KIAA1549L: variants seen among roughly 807,000 people sequenced by gnomAD.
KIAA1549L encodes KIAA1549 like.
Under a neutral mutation model 160.7 loss-of-function variants are expected in KIAA1549L, and 88 were observed. The observed-to-expected ratio is 0.55, with a 90% CI of 0.46 to 0.65. KIAA1549L has a LOEUF of 0.65. Ranked by LOEUF, KIAA1549L falls within the 30% of genes least tolerant of loss-of-function variation. The pLI, the probability that KIAA1549L is intolerant of heterozygous loss-of-function variation, is 0.00. For missense variants in KIAA1549L, 2,258 were observed against 2,437.5 expected (o/e 0.93, Z 1.55); for synonymous variants, 950 against 976.7 (o/e 0.97, Z 0.51).
In KIAA1549L at chr11:33,525,873, A is replaced by G. The variant is rs182902132; in HGVS notation, c.239-15929A>G. Among the ~76,000 whole-genome samples the G allele has an allele frequency of 2.1e-4, 32 of 152,124 alleles. 1 individual carries two copies. Among genetic ancestry groups the G allele is most frequent in the Admixed American group, 2.0e-3 (31 of 15,278 alleles). ...CCCCTCTTCCCTGGAAACCTGTATG[A>G]CACAGCAGAGGCAGCCATAATTCTC... On this transcript the variant is annotated intron_variant, in intron 1 of 20. Transcript: ENST00000658780.
chr11:33,603,993 G>T (rs1165066632), intron 13 of KIAA1549L, among the ~76,000 whole-genome samples: 1 of 152,072 alleles, frequency 6.6e-6, no homozygotes, highest in African/African-American at 2.4e-5. Context: ...ATGCCATCTG[G>T]TTACCTTCTG....
At chr11:33,554,669 A>G (rs1019121229) in intron 6 of KIAA1549L, among the ~76,000 whole-genome samples, 1 of 152,072 alleles carries the variant, frequency 6.6e-6, no homozygotes, top group South Asian at 2.1e-4. Context: ...CTCTCATTGA[A>G]CCTACTGTGC....
At chr11:33,576,694 T>C (rs1426210175) in intron 10 of KIAA1549L, among the ~76,000 whole-genome samples, 1 of 152,198 alleles carries the variant, frequency 6.6e-6, no homozygotes, top group Non-Finnish European at 1.5e-5. Flanking sequence ...ATAATGATTC[T>C]GTGTGTAGCC....
At chr11:33,379,476 G>T (rs1273121604) in intron 1 of KIAA1549L, among the ~76,000 whole-genome samples, 1 of 152,196 alleles carries the variant, frequency 6.6e-6, no homozygotes, top group East Asian at 1.9e-4. Flanking sequence ...TGGGAAGGAA[G>T]TTTCTTTGTA....
chr11:33,398,684 A>G (rs1020571546), intron 1 of KIAA1549L, among the ~76,000 whole-genome samples: 17 of 152,246 alleles, frequency 1.1e-4, no homozygotes, highest in African/African-American at 3.6e-4. Context: ...AAAATCGCCC[A>G]TAGCCCCAAG....
In KIAA1549L at chr11:33,542,506, C is replaced by T. The variant is rs370604198; in HGVS notation, c.943C>T (p.Leu315=). The stretch of plus-strand genomic sequence containing the variant: ...CCAGGATCTCATAGGCATCCCTCAT[C>T]TAGGTGTTTCTGGATCCTCAACAAA... ...NAQDLIGIPH[L]GVSGSSTKWH... Residue 315 remains leucine (L), a synonymous_variant, in exon 2 of 21, where the codon CTA becomes TTA. Coordinates refer to ENST00000658780, the MANE Select transcript of KIAA1549L (RefSeq NM_012194.3). 2.7e-5 allele frequency: 44 copies of T among 1,613,370 alleles called. No homozygotes were observed. The African/African-American group carries it at 5.3e-4, about 20-fold the overall frequency.
chr11:33,399,891 G>A (rs1850463820), intron 1 of KIAA1549L, among the ~76,000 whole-genome samples: 1 of 152,190 alleles, frequency 6.6e-6, no homozygotes, highest in Admixed American at 6.5e-5. Context: ...CTTTGCTGTG[G>A]CACCTCCACT....
At chr11:33,646,127 A>G (rs1440835733) in intron 17 of KIAA1549L, 91 bp downstream of exon 17, 26 of 1,001,914 alleles carry the variant, frequency 2.6e-5, no homozygotes. Flanking sequence ...TTCTACAGAT[A>G]AAAAGCTTTG....
intron 1 of KIAA1549L, among the ~76,000 whole-genome samples, chr11:33,426,499 C>G (rs957461064): frequency 2.0e-5 from 3 of 152,152 alleles, no homozygotes; most frequent in African/African-American, 7.2e-5. Context: ...CCCAGAGGCC[C>G]TCCTGGTGCA....
chr11:33,479,567 G>A (rs568880934), intron 1 of KIAA1549L, among the ~76,000 whole-genome samples: 1 of 152,246 alleles, frequency 6.6e-6, no homozygotes, highest in African/African-American at 2.4e-5. Flanking sequence ...AAAATCAGTG[G>A]GAAATTTAAA....
At chr11:33,457,935 A>T (rs1185382127) in intron 1 of KIAA1549L, among the ~76,000 whole-genome samples, 2 of 152,140 alleles carry the variant, frequency 1.3e-5, no homozygotes, top group East Asian at 3.9e-4. Flanking sequence ...TACAGTCCAG[A>T]ACGTATGTGA....
intron 15 of KIAA1549L, among the ~76,000 whole-genome samples, chr11:33,611,919 G>T (rs73477250): frequency 9.8e-5 from 15 of 152,336 alleles, no homozygotes; most frequent in Admixed American, 2.0e-4. Context: ...ACTTGTTTCT[G>T]TAGAGAGGCA....
intron 15 of KIAA1549L, among the ~76,000 whole-genome samples, chr11:33,611,949 G>A (rs1197953886): frequency 6.6e-6 from 1 of 152,240 alleles, no homozygotes; most frequent in African/African-American, 2.4e-5. Context: ...CCTAGCACAG[G>A]TGCAGGCCAG....
At chr11:33,568,274 A>T (rs1219780282) in intron 9 of KIAA1549L, 47 bp downstream of exon 9, 2 of 1,522,202 alleles carry the variant, frequency 1.3e-6, no homozygotes, top group Admixed American at 1.8e-5. Context: ...CTGGGGGTAG[A>T]GGGGGGGATG....
At chr11:33,398,979 G>A (rs1230153966) in intron 1 of KIAA1549L, among the ~76,000 whole-genome samples, 3 of 147,540 alleles carry the variant, frequency 2.0e-5, no homozygotes, top group Non-Finnish European at 4.5e-5. Flanking sequence ...TTGAAATGGA[G>A]TCTTGCTCTG....
chr11:33,404,811 A>G (rs1229160694), intron 1 of KIAA1549L, among the ~76,000 whole-genome samples: 1 of 151,840 alleles, frequency 6.6e-6, no homozygotes, highest in Admixed American at 6.6e-5. Flanking sequence ...GGAGTTTGAG[A>G]CCAGCCTGGC....
At chr11:33,595,843 A>G (rs1297540938) in intron 12 of KIAA1549L, among the ~76,000 whole-genome samples, 1 of 152,176 alleles carries the variant, frequency 6.6e-6, no homozygotes, top group African/African-American at 2.4e-5. Context: ...TTTGATGGTT[A>G]AGATATCTCA....
chr11:33,522,436 C>T (rs1312501734), intron 1 of KIAA1549L, among the ~76,000 whole-genome samples: 2 of 152,140 alleles, frequency 1.3e-5, no homozygotes, highest in East Asian at 1.9e-4. Flanking sequence ...AAAATAGATA[C>T]CTGCAGGTTT....
At chr11:33,560,520 TC>T (rs1008573183) in intron 7 of KIAA1549L, among the ~76,000 whole-genome samples, 1 of 152,200 alleles carries the variant, frequency 6.6e-6, no homozygotes, top group African/African-American at 2.4e-5. Context: ...CTTGCTGAGG[TC>T]CCCGTAGTCT....
Sources: gnomAD v4.1 joint callset for allele counts (sites outside exome capture counted in the v4.1 genomes callset) on GRCh38, gnomAD v4.1.1 for gene constraint, MANE v1.5 for transcripts, NCBI Gene and HGNC (gene_info 2026-07-23, HGNC 2026-07-21) for gene names.